Variants in PPM1B observed in about 807,000 individuals in gnomAD.
PPM1B encodes protein phosphatase, Mg2+/Mn2+ dependent 1B, also known as protein phosphatase 1B.
Under a neutral mutation model 43.0 loss-of-function variants are expected in PPM1B, and 22 were observed. The ratio of observed to expected loss-of-function variants is 0.51; its 90% CI spans 0.37 to 0.73. The LOEUF (loss-of-function observed/expected upper bound fraction) is 0.73, where lower values mean the gene tolerates loss of function less well. Among genes scored for constraint, PPM1B ranks in the 30% least tolerant of loss-of-function variants. The probability of loss-of-function intolerance (pLI) is 0.00; values close to 1 mark genes in which losing one functional copy is unlikely to be tolerated. For synonymous variants in PPM1B, 217 were observed against 197.9 expected, an observed-to-expected ratio of 1.10 and a Z score of -0.81; for missense variants, 632 against 584.2, an observed-to-expected ratio of 1.08 and a Z score of -0.84.
exon 6 of PPM1B, chr2:44,244,374 A>T (rs1264709422): frequency 1.5e-6 from 2 of 1,351,316 alleles, no homozygotes; most frequent in East Asian, 4.6e-5. Flanking sequence ...ACCCAGCATT[A>T]TATAATTATA....
intron 2 of PPM1B, among the ~76,000 whole-genome samples, chr2:44,205,968 A>G (rs1669171406): frequency 6.6e-6 from 1 of 152,224 alleles, no homozygotes; most frequent in Admixed American, 6.5e-5. Context: ...GTGAGCTGAG[A>G]TCGCGCCATT....
downstream of PPM1B, chr2:44,233,456 A>G (rs1198619777): frequency 2.0e-6 from 2 of 984,114 alleles, no homozygotes; most frequent in Non-Finnish European, 2.4e-6. Flanking sequence ...CATGTATTAA[A>G]TTCAATTAAT....
chr2:44,207,580 C>T (rs934876818), intron 2 of PPM1B, among the ~76,000 whole-genome samples: 12 of 143,988 alleles, frequency 8.3e-5, no homozygotes, highest in African/African-American at 1.3e-4. Context: ...ATATGATATG[C>T]TTTTTTTTTT....
downstream of PPM1B, among the ~76,000 whole-genome samples, chr2:44,244,601 C>T (rs73924245): frequency 4.6e-3 from 704 of 151,986 alleles, 10 homozygotes; most frequent in African/African-American, 0.016. Flanking sequence ...CCATTTAAAT[C>T]GGAAGTTACT....
At chr2:44,175,866 A>T (rs904755577) in intron 1 of PPM1B, among the ~76,000 whole-genome samples, 2 of 150,712 alleles carry the variant, frequency 1.3e-5, no homozygotes, top group African/African-American at 4.9e-5. Context: ...GCTCACTGCA[A>T]CCTCCGCCTC....
intron 3 of PPM1B, among the ~76,000 whole-genome samples, chr2:44,212,871 G>A (rs1237688093): frequency 2.0e-5 from 3 of 151,990 alleles, no homozygotes; most frequent in Non-Finnish European, 2.9e-5. Flanking sequence ...AAATTAGCTG[G>A]GCGTGGTGGT....
At position 44,201,773 on chromosome 2, in the gene PPM1B, G is replaced by A. The variant is rs1668950933; in HGVS notation, c.574G>A (p.Val192Ile). 1.9e-6 allele frequency: 3 copies of A among 1,614,236 alleles called. No homozygotes were observed. The East Asian group carries it at 6.7e-5, about 36-fold the overall frequency. Reference protein sequence around the residue: ...NAGGSVMIQRVNGSLAVSRAL... With the variant: ...NAGGSVMIQRINGSLAVSRAL... ...AGGAGGCAGCGTGATGATACAACGT[G>A]TTAATGGTTCATTAGCAGTATCTCG... Residue 192 changes from valine to isoleucine, a missense_variant, in exon 2 of 6, where the codon GTT (valine) becomes ATT (isoleucine). Val to Ile is a conservative substitution (Grantham distance 29, BLOSUM62 3). This residue lies in a region of PPM1B where 40 missense variants were observed against 80.8 expected (regional missense o/e 0.50). Transcript: ENST00000282412. The surrounding 1 kb of genome is among the most constrained non-coding windows in gnomAD (Gnocchi z 5.4).
intron 3 of PPM1B, chr2:44,213,657 C>G (rs1275219239): frequency 6.6e-6 from 1 of 151,924 alleles, no homozygotes; most frequent in Non-Finnish European, 1.5e-5. Flanking sequence ...TTTTTTTGCA[C>G]CTACAATTTC....
chr2:44,190,011 T>C (rs1244165737), intron 1 of PPM1B, among the ~76,000 whole-genome samples: 1 of 152,192 alleles, frequency 6.6e-6, no homozygotes, highest in African/African-American at 2.4e-5. Flanking sequence ...GTGGATTATA[T>C]CGTGTGAATG....
downstream of PPM1B, among the ~76,000 whole-genome samples, chr2:44,238,722 C>G (rs974560164): frequency 2.7e-5 from 4 of 150,488 alleles, no homozygotes; most frequent in South Asian, 8.4e-4. Context: ...AAAAAAAAAA[C>G]ATTTTAGGGG....
At chr2:44,214,103 A>G (rs1002631152) in intron 3 of PPM1B, among the ~76,000 whole-genome samples, 2 of 152,182 alleles carry the variant, frequency 1.3e-5, no homozygotes, top group Non-Finnish European at 2.9e-5. Context: ...TTTTTGAGAC[A>G]GAGTCTCGCA....
At chr2:44,232,722 C>T (rs887487290), downstream of PPM1B, 2 of 1,009,290 alleles carry the variant, frequency 2.0e-6, no homozygotes, top group African/African-American at 1.7e-5. Flanking sequence ...AAACACACAA[C>T]ATGTAAGCAT....
chr2:44,180,752 A>G (rs888990499), intron 1 of PPM1B, among the ~76,000 whole-genome samples: 1 of 151,978 alleles, frequency 6.6e-6, no homozygotes, highest in East Asian at 1.9e-4. Context: ...CTAGGACTAC[A>G]GGCGTGGGGC....
At chr2:44,244,993 C>G (rs375450660), downstream of PPM1B, among the ~76,000 whole-genome samples, 802 of 151,726 alleles carry the variant, frequency 5.3e-3, 2 homozygotes, top group South Asian at 0.023. Flanking sequence ...TAACAGTGTA[C>G]AATACTAAAC....
chr2:44,187,029 A>G (rs746090100), intron 1 of PPM1B, among the ~76,000 whole-genome samples: 17 of 152,254 alleles, frequency 1.1e-4, no homozygotes, highest in Non-Finnish European at 2.9e-5. Context: ...ACAAATCTCC[A>G]GAACTTTTTC....
intron 1 of PPM1B, among the ~76,000 whole-genome samples, chr2:44,182,200 CTA>C (rs1667907647): frequency 6.6e-6 from 1 of 152,094 alleles, no homozygotes; most frequent in Non-Finnish European, 1.5e-5. Flanking sequence ...GAAACATTCT[CTA>C]TGGACGATAC....
At chr2:44,212,211 T>G (rs1429993667) in intron 3 of PPM1B, among the ~76,000 whole-genome samples, 1 of 152,206 alleles carries the variant, frequency 6.6e-6, no homozygotes, top group Non-Finnish European at 1.5e-5. Flanking sequence ...GTAGCGTCTT[T>G]TTGTCCTGCC....
intron 5 of PPM1B, among the ~76,000 whole-genome samples, chr2:44,242,303 G>A (rs1454342908): frequency 6.6e-6 from 1 of 152,096 alleles, no homozygotes; most frequent in African/African-American, 2.4e-5. Flanking sequence ...ATAGTAGTAT[G>A]TACATATAAA....
chr2:44,229,640 A>G (rs1670381217), intron 5 of PPM1B, among the ~76,000 whole-genome samples: 1 of 152,204 alleles, frequency 6.6e-6, no homozygotes, highest in Admixed American at 6.5e-5. Context: ...CGAATACAGG[A>G]CATGACTGTA....
Sources: gnomAD v4.1 joint callset for allele counts (sites outside exome capture counted in the v4.1 genomes callset) on GRCh38, gnomAD v4.1.1 for gene constraint, gnomAD v4.1.1 regional missense constraint, Gnocchi (gnomAD v3.1) non-coding constraint, MANE v1.5 for transcripts, NCBI Gene and HGNC (gene_info 2026-07-23, HGNC 2026-07-21) for gene names.